The following CNIH4 variants were observed in gnomAD, a reference collection of about 807,000 sequenced individuals.
The protein encoded by CNIH4 is protein cornichon homolog 4.
CNIH4 carries 9 observed loss-of-function variants against 21.5 expected under a neutral mutation model. The ratio of observed to expected loss-of-function variants is 0.42; its 90% CI spans 0.25 to 0.73. CNIH4 has a LOEUF of 0.73. Ranked by LOEUF, CNIH4 falls within the 30% of genes least tolerant of loss-of-function variation. The probability of loss-of-function intolerance (pLI) is 0.27; values close to 1 mark genes in which losing one functional copy is unlikely to be tolerated. For synonymous variants in CNIH4, 67 were observed against 59.1 expected (o/e 1.13, Z -0.61); for missense variants, 159 against 170.0 (o/e 0.94, Z 0.36).
intron 4 of CNIH4, among the ~76,000 whole-genome samples, chr1:224,373,004 G>A (rs1672676978): frequency 6.6e-6 from 1 of 152,006 alleles, no homozygotes; most frequent in African/African-American, 2.4e-5. Context: ...ACCCATTAGT[G>A]GATTAGATTA....
intron 4 of CNIH4, among the ~76,000 whole-genome samples, chr1:224,372,749 A>ATT (rs1180129801): frequency 2.8e-5 from 4 of 140,448 alleles, no homozygotes; most frequent in Non-Finnish European, 1.6e-5. Flanking sequence ...CGCCTGGCTA[A>ATT]TTTTTTTTTT....
At chr1:224,369,216 T>C (rs1672553140) in intron 3 of CNIH4, among the ~76,000 whole-genome samples, 1 of 152,182 alleles carries the variant, frequency 6.6e-6, no homozygotes, top group Admixed American at 6.5e-5. Context: ...GAAGTAAGAA[T>C]TAATATGAAA....
intron 2 of CNIH4, 101 bp downstream of exon 2, chr1:224,360,664 T>C: frequency 1.9e-6 from 1 of 524,138 alleles, no homozygotes; most frequent in South Asian, 4.4e-5. Context: ...TTAGAGTACA[T>C]GTTGTCTCTT....
intron 4 of CNIH4, among the ~76,000 whole-genome samples, chr1:224,373,980 T>C (rs1672709877): frequency 6.6e-6 from 1 of 152,246 alleles, no homozygotes; most frequent in African/African-American, 2.4e-5. Flanking sequence ...CTTCACTGGC[T>C]GTACAGTTTT....
intron 1 of CNIH4, among the ~76,000 whole-genome samples, chr1:224,358,204 A>G (rs1017629503): frequency 6.6e-6 from 1 of 152,230 alleles, no homozygotes; most frequent in African/African-American, 2.4e-5. Flanking sequence ...GATCTTTAAA[A>G]TAGGAAATGT....
intron 3 of CNIH4, among the ~76,000 whole-genome samples, chr1:224,366,906 T>G (rs1672477040): frequency 6.7e-6 from 1 of 149,980 alleles, no homozygotes; most frequent in Non-Finnish European, 1.5e-5. Flanking sequence ...GAGCTTGAAG[T>G]GAGCTGAGGT....
chr1:224,376,068 A>G lies in CNIH4; in HGVS notation c.*246A>G. 3 of 1,208,764 alleles carry G rather than the reference A, an allele frequency of 2.5e-6. No homozygotes were observed. Among genetic ancestry groups the G allele is most frequent in the East Asian group, 7.0e-5 (2 of 28,426 alleles). 74.9% of individuals were successfully genotyped at this position (1,208,764 alleles called of 1,614,324 possible). On this transcript the variant is annotated 3_prime_UTR_variant, in exon 5 of 5. Coordinates refer to ENST00000465271, the MANE Select transcript of CNIH4 (RefSeq NM_014184.4). ...CTTGAAGGTGTTTTTCATCCTCTGT[A>G]TGTTGAAGGTGGTTATTTGTATGTA...
At position 224,371,406 on chromosome 1, in the gene CNIH4, C is replaced by G. The variant is rs775436262; in HGVS notation, c.375C>G (p.Phe125Leu). The G allele has an allele frequency of 1.2e-6, 2 of 1,613,604 alleles. No homozygotes were observed. Among genetic ancestry groups the G allele is most frequent in the South Asian group, 2.2e-5 (2 of 90,986 alleles). Residue 125 changes from phenylalanine (F) to leucine (L), a missense_variant, in exon 4 of 5, where the codon TTC (phenylalanine) becomes TTG (leucine). By Grantham distance (22) the Phe-to-Leu change is conservative. Coordinates refer to ENST00000465271, the MANE Select transcript of CNIH4 (RefSeq NM_014184.4). ...AGCTTGGTTTCCACTTGCTCTGCTTCTTCATGTATCTTTATAGGTGAGTTT... is the reference window on the plus strand; with the variant it reads ...AGCTTGGTTTCCACTTGCTCTGCTTGTTCATGTATCTTTATAGGTGAGTTT... ...MIKLGFHLLCFFMYLYSMILA... is the reference protein window; with the variant it reads ...MIKLGFHLLCLFMYLYSMILA...
Position 224,356,931 on chromosome 1 carries a change from G to C in CNIH4, c.7G>C (p.Ala3Pro). Reference sequence around the variant, plus strand: ...GCGGCGACGGAGGAGGAGGATGGAGGCGGTGGTGTTCGTCTTCTCTCTCCT... The same window carrying C: ...GCGGCGACGGAGGAGGAGGATGGAGCCGGTGGTGTTCGTCTTCTCTCTCCT... ME[A>P]VVFVFSLLDC... The change falls in exon 1 of 5, where the codon GCG (alanine) becomes CCG (proline). Residue 3 changes from alanine to proline, a missense_variant. Transcript: ENST00000465271. 1.9e-6 allele frequency: 3 copies of C among 1,609,916 alleles called. No individual in the cohort carries two copies. Among genetic ancestry groups the C allele is most frequent in the Non-Finnish European group, 2.5e-6 (3 of 1,178,176 alleles).
At chr1:224,361,056 A>T (rs1476183414) in intron 2 of CNIH4, among the ~76,000 whole-genome samples, 1 of 150,946 alleles carries the variant, frequency 6.6e-6, no homozygotes, top group African/African-American at 2.4e-5. Context: ...GGCTCAAGTG[A>T]TCTGCCTCGG....
intron 3 of CNIH4, among the ~76,000 whole-genome samples, chr1:224,370,319 G>A (rs1359957666): frequency 6.6e-6 from 1 of 151,988 alleles, no homozygotes; most frequent in African/African-American, 2.4e-5. Flanking sequence ...AGCTATAGTC[G>A]GGCTACTGGG....
chr1:224,369,496 A>C (rs1434925459), intron 3 of CNIH4, among the ~76,000 whole-genome samples: 2 of 152,106 alleles, frequency 1.3e-5, no homozygotes, highest in Admixed American at 6.6e-5. Context: ...GAATTGCTTG[A>C]ATCCAGGAGG....
At chr1:224,374,456 C>T (rs1191374045) in intron 4 of CNIH4, among the ~76,000 whole-genome samples, 2 of 148,920 alleles carry the variant, frequency 1.3e-5, no homozygotes. Context: ...ACTCTGTCCC[C>T]CAGGCTGGAG....
intron 3 of CNIH4, among the ~76,000 whole-genome samples, chr1:224,368,975 G>A (rs1558398888): frequency 6.7e-6 from 1 of 148,392 alleles, no homozygotes; most frequent in Non-Finnish European, 1.5e-5. Flanking sequence ...TCCTGCCCTA[G>A]TAGTATACAG....
rs1394831541 is a variant in CNIH4 at position 224,376,268 on chromosome 1, T to A, written c.*446T>A. The A allele has an allele frequency of 5.3e-5, 52 of 986,580 alleles. No individual in the cohort carries two copies. Among genetic ancestry groups the A allele is most frequent in the Non-Finnish European group, 6.1e-5 (51 of 830,832 alleles). 61.1% of individuals were successfully genotyped at this position (986,580 alleles called of 1,614,324 possible). ...GAAAAATTACCCTTTTTGCTTGTGT[T>A]GTGACAACTTCATTTAATATGGTTT... On this transcript the variant is annotated 3_prime_UTR_variant, in exon 5 of 5. Coordinates refer to ENST00000465271, the MANE Select transcript of CNIH4 (RefSeq NM_014184.4).
Position 224,369,199 on chromosome 1 carries a change from C to T in CNIH4, c.252-2084C>T, listed in dbSNP as rs150523065. On this transcript the variant is annotated intron_variant, in intron 3 of 4. Coordinates refer to ENST00000465271, the MANE Select transcript of CNIH4 (RefSeq NM_014184.4). Reference sequence around the variant, plus strand: ...AGTTGTATCAGTCTTCTAGTTATAACGCACTGGAAGTAAGAATTAATATGA... The same window carrying T: ...AGTTGTATCAGTCTTCTAGTTATAATGCACTGGAAGTAAGAATTAATATGA... Among the ~76,000 whole-genome samples, 13 of 152,240 alleles carry T rather than the reference C, an allele frequency of 8.5e-5. No homozygotes were observed. The East Asian group carries it at 9.6e-4, about 11-fold the overall frequency.
chr1:224,358,366 A>G (rs927795068), intron 1 of CNIH4, among the ~76,000 whole-genome samples: 5 of 152,142 alleles, frequency 3.3e-5, no homozygotes, highest in Non-Finnish European at 7.3e-5. Context: ...TCTAACGACA[A>G]GATTTCTGAG....
chr1:224,362,930 A>G (rs1038834772), intron 2 of CNIH4, among the ~76,000 whole-genome samples: 19 of 152,022 alleles, frequency 1.2e-4, no homozygotes, highest in African/African-American at 9.7e-5. Context: ...TAACTAGACA[A>G]TTGATCTGCT....
chr1:224,362,754 A>G lies in CNIH4; in HGVS notation c.138+2191A>G, dbSNP rs143304090. Among the ~76,000 whole-genome samples, 9 of 152,308 alleles carry G rather than the reference A, an allele frequency of 5.9e-5. No individual in the cohort carries two copies. The East Asian group carries it at 7.7e-4, about 13-fold the overall frequency. Reference sequence around the variant, plus strand: ...GTAATCTGCCCAAAGTGCTGGGATTACAGGCATGAGCCACTGTGCCTGGCC... The same window carrying G: ...GTAATCTGCCCAAAGTGCTGGGATTGCAGGCATGAGCCACTGTGCCTGGCC... On this transcript the variant is annotated intron_variant, in intron 2 of 4. Transcript: ENST00000465271.
Sources: gnomAD v4.1 joint callset for allele counts (sites outside exome capture counted in the v4.1 genomes callset) on GRCh38, gnomAD v4.1.1 for gene constraint, MANE v1.5 for transcripts, NCBI Gene and HGNC (gene_info 2026-07-23, HGNC 2026-07-21) for gene names.